The following SGCD variants were observed in gnomAD, a reference collection of about 807,000 sequenced individuals.
The protein encoded by SGCD is sarcoglycan delta.
A neutral mutation model predicts 36.6 loss-of-function variants in SGCD; 18 were observed. The observed-to-expected ratio is 0.49, with a 90% CI of 0.34 to 0.73. SGCD has a LOEUF of 0.73. Ranked by LOEUF, SGCD falls within the 30% of genes least tolerant of loss-of-function variation. The probability of loss-of-function intolerance (pLI) is 0.01; values close to 1 mark genes in which losing one functional copy is unlikely to be tolerated. For missense variants in SGCD, 387 were observed against 346.7 expected (o/e 1.12, Z -0.92); for synonymous variants, 133 against 130.6 (o/e 1.02, Z -0.12).
chr5:156,299,325 C>A (rs185182993), intron 3 of SGCD, among the ~76,000 whole-genome samples: 2 of 152,160 alleles, frequency 1.3e-5, no homozygotes, highest in African/African-American at 4.8e-5. Flanking sequence ...CAGTACCATG[C>A]CAATTTGGTT....
Position 156,000,092 on chromosome 5 carries a change from A to C in SGCD, c.-281-117786A>C, listed in dbSNP as rs1180210417. On this transcript the variant is annotated intron_variant, in intron 1 of 9. Transcript: ENST00000517913. The stretch of plus-strand genomic sequence containing the variant: ...GCACATAGCTTCAGCCCTGGGACCT[A>C]GGCTGCCCACTTCTCTCAAACTATG... 2.0e-5 allele frequency among the ~76,000 whole-genome samples: 3 copies of C among 152,322 alleles called. No homozygotes were observed. In the East Asian group the frequency reaches 5.8e-4, roughly 29 times the overall value.
At chr5:155,864,481 T>C in the SGCD span, among the ~76,000 whole-genome samples, 5 of 152,124 alleles carry the variant, frequency 3.3e-5, no homozygotes, top group South Asian at 1.0e-3. Flanking sequence ...GAGATGGTAT[T>C]GGCCTGGATT....
chr5:156,117,221 C>T (rs1018060000), intron 1 of SGCD, among the ~76,000 whole-genome samples: 24 of 152,080 alleles, frequency 1.6e-4, no homozygotes, highest in Non-Finnish European at 2.9e-4. Flanking sequence ...GTAGGGAAGA[C>T]GCAAACACAT....
chr5:156,174,662 GT>G (rs1480333137), intron 3 of SGCD, among the ~76,000 whole-genome samples: 2 of 152,188 alleles, frequency 1.3e-5, no homozygotes, highest in African/African-American at 4.8e-5. Flanking sequence ...ACAATATAGG[GT>G]TATGGTACAT....
intron 3 of SGCD, among the ~76,000 whole-genome samples, chr5:156,274,686 A>G (rs1328029746): frequency 6.6e-6 from 1 of 152,164 alleles, no homozygotes; most frequent in Non-Finnish European, 1.5e-5. Context: ...TTTTATGCTG[A>G]GTTCTGGAGG....
chr5:156,601,485 C>T (rs552706864), intron 6 of SGCD, among the ~76,000 whole-genome samples: 18 of 152,242 alleles, frequency 1.2e-4, no homozygotes, highest in East Asian at 1.9e-4. Context: ...TCTCTTCCAT[C>T]GGTGTATGTG....
chr5:156,727,072 A>C (rs558874800), intron 7 of SGCD, among the ~76,000 whole-genome samples: 1 of 152,358 alleles, frequency 6.6e-6, no homozygotes, highest in Non-Finnish European at 1.5e-5. Flanking sequence ...CAATAGGTTC[A>C]GGGACCACTG....
chr5:156,438,987 T>A (rs1753370500), intron 3 of SGCD, among the ~76,000 whole-genome samples: 1 of 152,132 alleles, frequency 6.6e-6, no homozygotes. Context: ...CAAGAAATGT[T>A]AAGAAATTGC....
intron 7 of SGCD, among the ~76,000 whole-genome samples, chr5:156,756,669 G>A (rs1353655631): frequency 6.6e-6 from 1 of 152,182 alleles, no homozygotes; most frequent in African/African-American, 2.4e-5. Context: ...ATCATAATTA[G>A]CATAGAATGT....
intron 3 of SGCD, among the ~76,000 whole-genome samples, chr5:156,427,181 AATGTGTTTCCATTTGTT>A (rs1773709689): frequency 6.6e-6 from 1 of 152,154 alleles, no homozygotes; most frequent in Admixed American, 6.6e-5. Context: ...ATTAGCATAG[AATGTGTTTCCATTTGTT>A]TGTGTCACAT....
At chr5:156,078,168 T>A (rs1291241831) in intron 1 of SGCD, among the ~76,000 whole-genome samples, 1 of 152,032 alleles carries the variant, frequency 6.6e-6, no homozygotes, top group Non-Finnish European at 1.5e-5. Context: ...GTTTGCTTAT[T>A]TTTTTATTGA....
intron 3 of SGCD, among the ~76,000 whole-genome samples, chr5:156,158,485 C>A (rs1763015428): frequency 6.6e-6 from 1 of 151,480 alleles, no homozygotes; most frequent in African/African-American, 2.4e-5. Context: ...GGAGTGACAG[C>A]CACTTCTAGT....
intron 3 of SGCD, among the ~76,000 whole-genome samples, chr5:156,306,328 G>T (rs1211465560): frequency 1.3e-5 from 2 of 152,114 alleles, no homozygotes; most frequent in African/African-American, 4.8e-5. Context: ...GTTCCATAAG[G>T]GGGGGTTTCC....
intron 4 of SGCD, among the ~76,000 whole-genome samples, chr5:156,539,089 A>G (rs112591195): frequency 8.6e-4 from 131 of 152,000 alleles, no homozygotes; most frequent in African/African-American, 2.8e-3. Context: ...ACAAAAAAAC[A>G]CCACTTACTT....
At chr5:156,749,006 C>T (rs60743126) in intron 7 of SGCD, among the ~76,000 whole-genome samples, 2,631 of 152,228 alleles carry the variant, frequency 0.017, 80 homozygotes, top group African/African-American at 0.051. Flanking sequence ...TTCAGATGAT[C>T]TGCCCACCTC....
chr5:156,166,369 C>T lies in SGCD; in HGVS notation c.-44+42350C>T, dbSNP rs367617782. Among the ~76,000 whole-genome samples the T allele has an allele frequency of 7.9e-5, 12 of 151,986 alleles. No individual in the cohort carries two copies. In the East Asian group the frequency reaches 1.5e-3, roughly 20 times the overall value. On this transcript the variant is annotated intron_variant, in intron 3 of 9. Coordinates refer to the SGCD transcript ENST00000517913. ...TCTCGCTCTGTCACCCAGGCTGGAG[C>T]GCAGTAGCACAATCTTGGCTTACTG...
Position 156,423,386 on chromosome 5 carries a change from ATATAT to A in SGCD, c.192+78716_192+78720del, listed in dbSNP as rs1363971463. Reference sequence around the variant, plus strand: ...ATATATTATATTTTATTATAATATAATATATTATATTTTATTATAATATAATATAT... The same window carrying A: ...ATATATTATATTTTATTATAATATAATATATTTTATTATAATATAATATAT... On this transcript the variant is annotated intron_variant, in intron 3 of 8. Transcript: ENST00000337851. Among the ~76,000 whole-genome samples, 30 of 105,280 alleles carry A rather than the reference ATATAT, an allele frequency of 2.8e-4. 1 individual carries two copies. Among genetic ancestry groups the A allele is most frequent in the African/African-American group, 6.5e-4 (16 of 24,440 alleles). The allele number at this position is 105,280 out of a possible 152,430, so 69.1% of individuals were successfully genotyped here. A position where few individuals can be genotyped will look rare whatever the true frequency, so the allele number is the denominator to read the frequency against.
At chr5:156,091,572 T>A (rs1209360982) in intron 1 of SGCD, among the ~76,000 whole-genome samples, 1 of 152,208 alleles carries the variant, frequency 6.6e-6, no homozygotes, top group Non-Finnish European at 1.5e-5. Flanking sequence ...GGAGTATTCA[T>A]TGGCTGATCT....
chr5:156,414,043 A>G (rs1772905247), intron 3 of SGCD, among the ~76,000 whole-genome samples: 1 of 152,184 alleles, frequency 6.6e-6, no homozygotes, highest in African/African-American at 2.4e-5. Flanking sequence ...CTGAATTTTG[A>G]ACTGTGCTCT....
Sources: gnomAD v4.1 joint callset for allele counts (sites outside exome capture counted in the v4.1 genomes callset) on GRCh38, gnomAD v4.1.1 for gene constraint, MANE v1.5 for transcripts, NCBI Gene and HGNC (gene_info 2026-07-23, HGNC 2026-07-21) for gene names.